Variants in ZSWIM5 observed in about 807,000 individuals in gnomAD.
The protein encoded by ZSWIM5 is zinc finger SWIM-type containing 5.
In ZSWIM5, 55 loss-of-function variants were observed where a neutral mutation model predicts 119.6. The observed-to-expected ratio is 0.46, with a 90% CI of 0.37 to 0.58. The LOEUF is 0.58. Among genes scored for constraint, ZSWIM5 ranks in the 20% least tolerant of loss-of-function variants. The pLI, the probability that ZSWIM5 is intolerant of heterozygous loss-of-function variation, is 0.00. For synonymous variants in ZSWIM5, 537 were observed against 606.9 expected, an observed-to-expected ratio of 0.88 and a Z score of 1.69; for missense variants, 1,193 against 1,512.8, an observed-to-expected ratio of 0.79 and a Z score of 3.51.
At position 45,018,328 on chromosome 1, in the gene ZSWIM5, T is replaced by C. The variant is rs1644867369; in HGVS notation, c.*126A>G. ...TGGACTTTCCCCATCCTTAGCCCTGTGGTCCTTTGGCCTCATCCACAGGTG... is the reference window on the plus strand; with the variant it reads ...TGGACTTTCCCCATCCTTAGCCCTGCGGTCCTTTGGCCTCATCCACAGGTG... On this transcript the variant is annotated 3_prime_UTR_variant, in exon 14 of 14. Coordinates refer to ENST00000359600, the MANE Select transcript of ZSWIM5 (RefSeq NM_020883.2). The surrounding 1 kb of genome is among the most constrained non-coding windows in gnomAD (Gnocchi z 6.7). The C allele has an allele frequency of 7.6e-6, 9 of 1,189,712 alleles. No individual in the cohort carries two copies. In the East Asian group the frequency reaches 1.7e-4, roughly 22 times the overall value. The allele number at this position is 1,189,712 out of a possible 1,614,324, so 73.7% of individuals were successfully genotyped here. A position where few individuals can be genotyped will look rare whatever the true frequency, so the allele number is the denominator to read the frequency against.
intron 1 of ZSWIM5, among the ~76,000 whole-genome samples, chr1:45,096,444 G>GCA (rs1189083592): frequency 2.7e-5 from 4 of 149,974 alleles, no homozygotes; most frequent in African/African-American, 1.0e-4. Context: ...TTGTGTGTGT[G>GCA]TGTGTGTGTG....
At chr1:45,033,651 G>T (rs1003286428) in intron 11 of ZSWIM5, among the ~76,000 whole-genome samples, 9 of 152,126 alleles carry the variant, frequency 5.9e-5, no homozygotes, top group Non-Finnish European at 1.3e-4. Flanking sequence ...CTCTATCTTA[G>T]TCATCACTTC....
chr1:45,077,772 T>C (rs1336589182), intron 2 of ZSWIM5, among the ~76,000 whole-genome samples: 1 of 152,196 alleles, frequency 6.6e-6, no homozygotes, highest in African/African-American at 2.4e-5. Flanking sequence ...TTCAGAGACC[T>C]ACCCCTAGGT....
intron 1 of ZSWIM5, among the ~76,000 whole-genome samples, chr1:45,189,919 T>C (rs1421333070): frequency 6.6e-6 from 1 of 152,242 alleles, no homozygotes; most frequent in Non-Finnish European, 1.5e-5. Context: ...AATTTACCAC[T>C]GGGGCATCTC....
At chr1:45,139,929 G>GAAAC (rs1645716756) in intron 1 of ZSWIM5, among the ~76,000 whole-genome samples, 1 of 151,710 alleles carries the variant, frequency 6.6e-6, no homozygotes, top group Non-Finnish European at 1.5e-5. Flanking sequence ...AAGAACACTG[G>GAAAC]AAACAGTAGC....
At chr1:45,118,094 C>T (rs1480043133) in intron 1 of ZSWIM5, among the ~76,000 whole-genome samples, 3 of 151,680 alleles carry the variant, frequency 2.0e-5, no homozygotes, top group African/African-American at 4.9e-5. Context: ...CAGAGCAAGA[C>T]CCTGCCTTGA....
chr1:45,121,258 C>T (rs140776947), intron 1 of ZSWIM5, among the ~76,000 whole-genome samples: 3 of 152,280 alleles, frequency 2.0e-5, no homozygotes, highest in East Asian at 1.9e-4. Flanking sequence ...GCCCACCTTT[C>T]GTCTTAATTC....
chr1:45,040,358 C>G, intron 7 of ZSWIM5, 34 bp downstream of exon 7: 1 of 1,564,284 alleles, frequency 6.4e-7, no homozygotes, highest in South Asian at 1.2e-5. Flanking sequence ...CAGCTTTGGG[C>G]CTAAGGGGGT....
chr1:45,172,193 T>G (rs1361299818), intron 1 of ZSWIM5, among the ~76,000 whole-genome samples: 1 of 152,086 alleles, frequency 6.6e-6, no homozygotes, highest in Non-Finnish European at 1.5e-5. Context: ...GTTGCGAAAC[T>G]AAACAAACAT....
intron 11 of ZSWIM5, among the ~76,000 whole-genome samples, chr1:45,025,169 A>C (rs1303917850): frequency 1.3e-5 from 2 of 152,052 alleles, no homozygotes; most frequent in African/African-American, 4.8e-5. Context: ...CTGAGCTTTT[A>C]ATTTTGTTCC....
chr1:45,038,227 A>C (rs1421770025), intron 8 of ZSWIM5, among the ~76,000 whole-genome samples: 1 of 152,170 alleles, frequency 6.6e-6, no homozygotes, highest in African/African-American at 2.4e-5. Context: ...CATCATGTGG[A>C]AGAAAGTTCA....
At position 45,051,746 on chromosome 1, in the gene ZSWIM5, G is replaced by C. The variant is rs558970476; in HGVS notation, c.1253-493C>G. 2.7e-4 allele frequency among the ~76,000 whole-genome samples: 41 copies of C among 152,160 alleles called. No homozygotes were observed. The South Asian group carries it at 8.5e-3, about 32-fold the overall frequency. ...GGTTGGAAGCGAGGAAGTCAGAAAA[G>C]GTTTTATTTTTTTGCTTAGCTGAAC... On this transcript the variant is annotated intron_variant, in intron 4 of 13. Transcript: ENST00000359600.
intron 1 of ZSWIM5, among the ~76,000 whole-genome samples, chr1:45,118,751 A>AAAAG (rs1645574040): frequency 6.7e-6 from 1 of 150,126 alleles, no homozygotes; most frequent in Non-Finnish European, 1.5e-5. Flanking sequence ...AAAAAAAAAA[A>AAAAG]AAAAGAAAAG....
At chr1:45,112,376 A>G (rs577774448) in intron 1 of ZSWIM5, among the ~76,000 whole-genome samples, 5 of 152,334 alleles carry the variant, frequency 3.3e-5, no homozygotes, top group African/African-American at 9.6e-5. Context: ...TGAAGTACAA[A>G]TAAGTATACT....
chr1:45,107,968 T>C (rs976726447), intron 1 of ZSWIM5, among the ~76,000 whole-genome samples: 7 of 152,102 alleles, frequency 4.6e-5, no homozygotes, highest in Non-Finnish European at 1.0e-4. Flanking sequence ...AGCTAATGTT[T>C]TATTTTTTGT....
intron 1 of ZSWIM5, among the ~76,000 whole-genome samples, chr1:45,120,934 T>C (rs966678878): frequency 4.6e-5 from 7 of 151,912 alleles, no homozygotes; most frequent in African/African-American, 1.7e-4. Context: ...CCACCTCTGC[T>C]CTGGATCCTA....
chr1:45,096,880 C>T (rs1645406618), intron 1 of ZSWIM5, among the ~76,000 whole-genome samples: 1 of 152,162 alleles, frequency 6.6e-6, no homozygotes, highest in African/African-American at 2.4e-5. Context: ...TCTATAAACA[C>T]CTGCTATTAT....
chr1:45,044,837 A>G lies in ZSWIM5; in HGVS notation c.1433-1442T>C, dbSNP rs1553189145. Among the ~76,000 whole-genome samples the G allele has an allele frequency of 6.7e-4, 5 of 7,504 alleles. 1 individual carries two copies. In the East Asian group the frequency reaches 0.021, roughly 32 times the overall value. 4.9% of individuals were successfully genotyped at this position (7,504 alleles called of 152,430 possible). A position where few individuals can be genotyped will look rare whatever the true frequency, so the allele number is the denominator to read the frequency against. On this transcript the variant is annotated intron_variant, in intron 5 of 13. Transcript: ENST00000359600. The stretch of plus-strand genomic sequence containing the variant: ...TATATATATAAATATATATATATAA[A>G]TATATATATATAGATTAGCCGGGCA...
At chr1:45,182,423 C>A (rs1226739) in intron 1 of ZSWIM5, among the ~76,000 whole-genome samples, 3,321 of 114,712 alleles carry the variant, frequency 0.029, 261 homozygotes, top group African/African-American at 0.056. Context: ...AACAAACAAA[C>A]AAACAAACAA....
Sources: gnomAD v4.1 joint callset for allele counts (sites outside exome capture counted in the v4.1 genomes callset) on GRCh38, gnomAD v4.1.1 for gene constraint, Gnocchi (gnomAD v3.1) non-coding constraint, MANE v1.5 for transcripts, NCBI Gene and HGNC (gene_info 2026-07-23, HGNC 2026-07-21) for gene names.